The following LAMA2 variants were observed in gnomAD, a reference collection of about 807,000 sequenced individuals.
LAMA2 encodes the protein laminin subunit alpha-2.
In LAMA2, 269 loss-of-function variants were observed where a neutral mutation model predicts 364.8. The observed-to-expected ratio is 0.74, with a 90% CI of 0.67 to 0.82. The LOEUF (loss-of-function observed/expected upper bound fraction) is 0.82. Among genes scored for constraint, LAMA2 ranks in the 40% least tolerant of loss-of-function variants. The pLI is 0.00. For synonymous variants in LAMA2, 1,379 were observed against 1,370.6 expected, an observed-to-expected ratio of 1.01 and a Z score of -0.14; for missense variants, 3,807 against 3,873.2, an observed-to-expected ratio of 0.98 and a Z score of 0.45.
At chr6:129,176,119 T>G (rs1428793863) in intron 9 of LAMA2, among the ~76,000 whole-genome samples, 2 of 152,042 alleles carry the variant, frequency 1.3e-5, no homozygotes, top group African/African-American at 4.8e-5. Flanking sequence ...AGTTCCTTTT[T>G]TACTGCTATT....
chr6:128,888,156 A>C (rs1776250868), intron 1 of LAMA2, among the ~76,000 whole-genome samples: 1 of 152,148 alleles, frequency 6.6e-6, no homozygotes, highest in African/African-American at 2.4e-5. Flanking sequence ...GAGTTTAGAG[A>C]AAGATAAAAG....
chr6:128,991,191 C>G (rs751654382), intron 1 of LAMA2, among the ~76,000 whole-genome samples: 2 of 152,128 alleles, frequency 1.3e-5, no homozygotes, highest in Non-Finnish European at 2.9e-5. Context: ...AGAATAGAAT[C>G]CTGCTGGGAA....
chr6:129,014,848 A>C (rs1381591107), intron 1 of LAMA2, among the ~76,000 whole-genome samples: 2 of 152,084 alleles, frequency 1.3e-5, no homozygotes, highest in African/African-American at 2.4e-5. Flanking sequence ...AGTGGATAAC[A>C]TGATTATAAT....
chr6:129,272,376 T>C (rs1246079113), intron 17 of LAMA2, among the ~76,000 whole-genome samples: 1 of 152,128 alleles, frequency 6.6e-6, no homozygotes, highest in Non-Finnish European at 1.5e-5. Context: ...AGGGTTGATG[T>C]GGGAAAGACA....
At chr6:129,439,268 T>G (rs1420777944) in intron 42 of LAMA2, among the ~76,000 whole-genome samples, 3 of 152,060 alleles carry the variant, frequency 2.0e-5, no homozygotes, top group Admixed American at 6.6e-5. Flanking sequence ...TTGTCCATGT[T>G]CAGTACAGAC....
chr6:129,473,872 C>T (rs899966933), intron 52 of LAMA2, among the ~76,000 whole-genome samples: 3 of 151,868 alleles, frequency 2.0e-5, no homozygotes, highest in Admixed American at 2.0e-4. Flanking sequence ...TTCACATATG[C>T]TTTTTAGCTA....
chr6:129,296,856 A>AT (rs1773215919), intron 20 of LAMA2, among the ~76,000 whole-genome samples: 1 of 152,110 alleles, frequency 6.6e-6, no homozygotes, highest in African/African-American at 2.4e-5. Context: ...GCTCGGAGTG[A>AT]TTTTTTAATC....
At chr6:129,029,034 G>T (rs1786034979) in intron 1 of LAMA2, among the ~76,000 whole-genome samples, 1 of 151,866 alleles carries the variant, frequency 6.6e-6, no homozygotes. Context: ...CTTAGATGAT[G>T]GAGTGTATTG....
rs905129348 is a variant in LAMA2 at position 128,929,506 on chromosome 6, A to G, written c.112+46149A>G. On this transcript the variant is annotated intron_variant, in intron 1 of 64. Transcript: ENST00000421865. ...AGACTCTTTATGGTATGCCGACCAG[A>G]TCGATTCTGCTTGTACCTGTAGAGA... 3.5e-6 allele frequency: 3 copies of G among 858,970 alleles called. No individual in the cohort carries two copies. The African/African-American group carries it at 5.0e-5, about 14-fold the overall frequency. 53.2% of individuals were successfully genotyped at this position (858,970 alleles called of 1,614,324 possible). A position where few individuals can be genotyped will look rare whatever the true frequency, so the allele number is the denominator to read the frequency against.
chr6:128,940,535 G>A (rs1780086861), intron 1 of LAMA2, among the ~76,000 whole-genome samples: 1 of 152,102 alleles, frequency 6.6e-6, no homozygotes, highest in African/African-American at 2.4e-5. Context: ...AGAATAAATG[G>A]GTAATGCATT....
chr6:129,147,554 C>G (rs1418981235), intron 6 of LAMA2, among the ~76,000 whole-genome samples: 1 of 151,598 alleles, frequency 6.6e-6, no homozygotes, highest in African/African-American at 2.4e-5. Context: ...AGTGGCAAGC[C>G]GGAAAATGCC....
At chr6:129,064,525 A>G (rs553652059) in intron 3 of LAMA2, among the ~76,000 whole-genome samples, 68 of 152,216 alleles carry the variant, frequency 4.5e-4, no homozygotes, top group African/African-American at 1.6e-3. Flanking sequence ...TTTGGAAAAT[A>G]TAAGCTAAAT....
At chr6:129,442,312 A>G (rs994267911) in intron 43 of LAMA2, 19 of 882,536 alleles carry the variant, frequency 2.2e-5, no homozygotes, top group Non-Finnish European at 2.5e-5. Flanking sequence ...TATAACATAA[A>G]CTTCAGAGCC....
At chr6:128,930,050 C>A in intron 1 of LAMA2, 1 of 406,436 alleles carries the variant, frequency 2.5e-6, no homozygotes. Flanking sequence ...GTGGCGCCCG[C>A]AGCCCTGCAG....
intron 30 of LAMA2, among the ~76,000 whole-genome samples, chr6:129,347,962 C>G (rs904885485): frequency 1.3e-5 from 2 of 152,150 alleles, no homozygotes; most frequent in Non-Finnish European, 2.9e-5. Flanking sequence ...TTTAATCATA[C>G]TGGCTCTTTA....
intron 1 of LAMA2, among the ~76,000 whole-genome samples, chr6:128,919,584 T>G (rs1285583212): frequency 3.9e-5 from 6 of 152,240 alleles, no homozygotes; most frequent in African/African-American, 1.4e-4. Context: ...ACACAGTGAT[T>G]CAGGCCACCA....
chr6:129,169,597 C>T (rs1382749077), intron 9 of LAMA2, among the ~76,000 whole-genome samples: 2 of 151,194 alleles, frequency 1.3e-5, no homozygotes, highest in African/African-American at 4.9e-5. Context: ...CATCAATGTT[C>T]ATCAAGGATA....
chr6:129,252,095 G>A lies in LAMA2; in HGVS notation c.1896G>A (p.Leu632=). The change falls in exon 14 of 65, where the codon TTG becomes TTA. Residue 632 remains leucine (L), a synonymous_variant. Coordinates refer to ENST00000421865, the MANE Select transcript of LAMA2 (RefSeq NM_000426.4). ...TTTTCCCCCTTTAGGGTAATGACTT[G>A]AGCATCAGCACAGCCCAAGATGAGG... The part of the protein sequence containing the change: ...QLMIILEGND[L]SISTAQDEVY... 6.2e-7 allele frequency: 1 copy of A among 1,611,264 alleles called. No individual in the cohort carries two copies. Among genetic ancestry groups the A allele is most frequent in the Non-Finnish European group, 8.5e-7 (1 of 1,178,076 alleles).
chr6:129,050,807 G>T (rs982835199), intron 2 of LAMA2, among the ~76,000 whole-genome samples: 3 of 152,152 alleles, frequency 2.0e-5, no homozygotes, highest in African/African-American at 7.2e-5. Context: ...GATTATGAAG[G>T]CATTTAACAA....
Sources: gnomAD v4.1 joint callset for allele counts (sites outside exome capture counted in the v4.1 genomes callset) on GRCh38, gnomAD v4.1.1 for gene constraint, MANE v1.5 for transcripts, NCBI Gene and HGNC (gene_info 2026-07-23, HGNC 2026-07-21) for gene names.